The following IYD variants were observed in gnomAD, a reference collection of about 807,000 sequenced individuals.
IYD encodes iodotyrosine deiodinase 1.
In IYD, 25 loss-of-function variants were observed where a neutral mutation model predicts 28.4. The observed-to-expected ratio is 0.88, with a 90% CI of 0.64 to 1.23. The LOEUF (loss-of-function observed/expected upper bound fraction) is 1.23, where lower values mean the gene tolerates loss of function less well. Among genes scored for constraint, IYD ranks in the 50% most tolerant of loss-of-function variants. The pLI is 0.00. For synonymous variants in IYD, 140 were observed against 130.8 expected (o/e 1.07, Z -0.48); for missense variants, 352 against 357.9 (o/e 0.98, Z 0.13).
intron 4 of IYD, chr6:150,396,259 A>G: frequency 7.4e-6 from 3 of 404,060 alleles, no homozygotes; most frequent in East Asian, 7.7e-5. Flanking sequence ...GTGAATATGA[A>G]AACTTTTTTT....
intron 1 of IYD, among the ~76,000 whole-genome samples, chr6:150,388,611 T>C (rs1360337182): frequency 6.7e-5 from 10 of 150,104 alleles, no homozygotes; most frequent in African/African-American, 2.5e-4. Flanking sequence ...TTTTTCTAGA[T>C]TTATAGTCTG....
chr6:150,393,198 A>T (rs1277313132), intron 3 of IYD, among the ~76,000 whole-genome samples: 1 of 152,220 alleles, frequency 6.6e-6, no homozygotes, highest in African/African-American at 2.4e-5. Context: ...GTGGGTACAC[A>T]AGAGTACATT....
chr6:150,383,145 T>C (rs552672669), intron 1 of IYD, among the ~76,000 whole-genome samples: 180 of 152,358 alleles, frequency 1.2e-3, no homozygotes, highest in Middle Eastern at 6.8e-3. Flanking sequence ...GACTTTAACC[T>C]AAGGTCAAAC....
chr6:150,396,186 A>T, intron 4 of IYD: 2 of 302,248 alleles, frequency 6.6e-6, no homozygotes, highest in Non-Finnish European at 1.2e-5. Context: ...TATTGCTAAC[A>T]CTACTGTGGT....
At chr6:150,375,625 T>G (rs1043865823) in intron 1 of IYD, among the ~76,000 whole-genome samples, 4 of 105,544 alleles carry the variant, frequency 3.8e-5, no homozygotes, top group African/African-American at 1.2e-4. Flanking sequence ...AGCAGCCTGA[T>G]GAATGCTTGA....
At chr6:150,397,899 G>A (rs995578379) in intron 4 of IYD, among the ~76,000 whole-genome samples, 156 bp from the exon 5 acceptor site, 10 of 152,134 alleles carry the variant, frequency 6.6e-5, no homozygotes, top group African/African-American at 2.2e-4. Flanking sequence ...GGAGGTTCAC[G>A]ATGCCATTAC....
intron 1 of IYD, among the ~76,000 whole-genome samples, chr6:150,376,587 C>T (rs1363400472): frequency 6.6e-6 from 1 of 152,166 alleles, no homozygotes; most frequent in Non-Finnish European, 1.5e-5. Flanking sequence ...CCTGGATTCC[C>T]AGGCAAGGGA....
At chr6:150,376,174 A>G (rs576111387) in intron 1 of IYD, among the ~76,000 whole-genome samples, 1 of 152,288 alleles carries the variant, frequency 6.6e-6, no homozygotes, top group South Asian at 2.1e-4. Flanking sequence ...ACTTCCTTCT[A>G]ACTAAAAGTA....
At chr6:150,381,430 T>A (rs1777641553) in intron 1 of IYD, among the ~76,000 whole-genome samples, 1 of 152,184 alleles carries the variant, frequency 6.6e-6, no homozygotes, top group Non-Finnish European at 1.5e-5. Context: ...TGGTAATTAA[T>A]CTCTATGGCC....
chr6:150,381,745 A>C (rs942218417), intron 1 of IYD, among the ~76,000 whole-genome samples: 12 of 152,202 alleles, frequency 7.9e-5, no homozygotes, highest in Non-Finnish European at 1.8e-4. Context: ...TATACTGTTT[A>C]TATTCTTTTG....
At chr6:150,376,504 G>A (rs1040101401) in intron 1 of IYD, among the ~76,000 whole-genome samples, 4 of 152,288 alleles carry the variant, frequency 2.6e-5, no homozygotes, top group Non-Finnish European at 4.4e-5. Flanking sequence ...GTGGGAAGGC[G>A]AGGGGTGGAA....
chr6:150,393,325 A>C (rs1778194976), intron 3 of IYD, among the ~76,000 whole-genome samples: 1 of 152,238 alleles, frequency 6.6e-6, no homozygotes. Context: ...ATAGGGAGAA[A>C]AGAAATGATA....
At chr6:150,387,352 G>A (rs1777904602) in intron 1 of IYD, among the ~76,000 whole-genome samples, 1 of 151,098 alleles carries the variant, frequency 6.6e-6, no homozygotes, top group African/African-American at 2.4e-5. Flanking sequence ...CTTGAGGCCA[G>A]GAGTTTGAGT....
chr6:150,386,611 C>T lies in IYD; in HGVS notation c.179-2741C>T, dbSNP rs73780001. Among the ~76,000 whole-genome samples, 1,084 of 152,024 alleles carry T rather than the reference C, an allele frequency of 7.1e-3. 17 individuals carry two copies. Among genetic ancestry groups the T allele is most frequent in the African/African-American group, 0.024 (1,000 of 41,474 alleles). On this transcript the variant is annotated intron_variant, in intron 1 of 4. Coordinates refer to ENST00000344419, the MANE Select transcript of IYD (RefSeq NM_203395.3). ...TTTCTTCTGCTTATTCTATCATTAC[C>T]GAAAGAGATGCATTAAGATCTTTCA...
intron 1 of IYD, among the ~76,000 whole-genome samples, chr6:150,385,568 A>AT (rs55819886): frequency 0.52 from 78,749 of 151,038 alleles, 21,176 homozygotes; most frequent in African/African-American, 0.6. Flanking sequence ...GCCAAGATGT[A>AT]TTTTTTTTTA....
chr6:150,377,357 A>G (rs1456621800), intron 1 of IYD, among the ~76,000 whole-genome samples: 1 of 152,196 alleles, frequency 6.6e-6, no homozygotes, highest in African/African-American at 2.4e-5. Context: ...GGGAGCAGTC[A>G]GGAGTTCAAG....
intron 1 of IYD, among the ~76,000 whole-genome samples, chr6:150,373,530 C>T (rs1777345703): frequency 6.6e-6 from 1 of 152,182 alleles, no homozygotes; most frequent in South Asian, 2.1e-4. Flanking sequence ...TCATGCTCCC[C>T]AACCAAGTAG....
chr6:150,396,511 A>C, intron 4 of IYD: 1 of 696,278 alleles, frequency 1.4e-6, no homozygotes, highest in Non-Finnish European at 2.6e-6. Context: ...GTATGGAGTA[A>C]AAGCTATGTC....
In IYD at chr6:150,399,053, AAAAC is replaced by A. The variant is rs1405405787; in HGVS notation, c.*820_*823del. 2.0e-5 allele frequency: 3 copies of A among 152,304 alleles called. No homozygotes were observed. Among genetic ancestry groups the A allele is most frequent in the Non-Finnish European group, 2.9e-5 (2 of 68,152 alleles). The allele number at this position is 152,304 out of a possible 1,614,324, so 9.4% of individuals were successfully genotyped here. A position where few individuals can be genotyped will look rare whatever the true frequency, so the allele number is the denominator to read the frequency against. On this transcript the variant is annotated 3_prime_UTR_variant, in exon 5 of 5. Coordinates refer to ENST00000344419, the MANE Select transcript of IYD (RefSeq NM_203395.3). ...GCGAGAACCTGTCTCAAAAAAAACAAAAACAAAGTTACTAAAATGTCACCTTCAC... is the reference window on the plus strand; with the variant it reads ...GCGAGAACCTGTCTCAAAAAAAACAAAAAGTTACTAAAATGTCACCTTCAC...
Sources: allele counts gnomAD v4.1 joint callset (sites outside exome capture counted in the v4.1 genomes callset), GRCh38; gene constraint gnomAD v4.1.1; transcripts MANE v1.5; gene names NCBI Gene and HGNC (gene_info 2026-07-23, HGNC 2026-07-21).